Variants in METTL9 observed in about 807,000 individuals in gnomAD.
METTL9 encodes methyltransferase 9, His-X-His N1(pi)-histidine, also known as protein-L-histidine N-pros-methyltransferase.
A neutral mutation model predicts 36.0 loss-of-function variants in METTL9; 10 were observed. The ratio of observed to expected loss-of-function variants is 0.28; its 90% CI spans 0.17 to 0.47. The LOEUF (loss-of-function observed/expected upper bound fraction) is 0.47, where lower values mean the gene tolerates loss of function less well. Ranked by LOEUF, METTL9 falls within the 20% of genes least tolerant of loss-of-function variation. The pLI, the probability that METTL9 is intolerant of heterozygous loss-of-function variation, is 0.99. For synonymous variants in METTL9, 175 were observed against 149.7 expected, an observed-to-expected ratio of 1.17 and a Z score of -1.23; for missense variants, 246 against 383.5, an observed-to-expected ratio of 0.64 and a Z score of 3.00.
At position 21,649,164 on chromosome 16, in the gene METTL9, T is replaced by G. The variant is rs187495680; in HGVS notation, c.752-6063T>G. Among the ~76,000 whole-genome samples, 450 of 152,240 alleles carry G rather than the reference T, an allele frequency of 3.0e-3. 1 individual carries two copies. The highest frequency in any genetic ancestry group is 5.3e-3 in the Non-Finnish European group (359 of 67,994). On this transcript the variant is annotated intron_variant, in intron 4 of 4. Transcript: ENST00000358154. ...TGCAGCACTGTGCCCAGCTAATTTTTGTATTTTTTGTAGAGACAGGGTTTC... is the reference window on the plus strand; with the variant it reads ...TGCAGCACTGTGCCCAGCTAATTTTGGTATTTTTTGTAGAGACAGGGTTTC...
At chr16:21,654,838 GCT>G (rs1362584588) in intron 4 of METTL9, 1 of 181,630 alleles carries the variant, frequency 5.5e-6, no homozygotes, top group Non-Finnish European at 1.2e-5. Flanking sequence ...ATTACATGTT[GCT>G]CTCTGTTTCA....
intron 4 of METTL9, among the ~76,000 whole-genome samples, chr16:21,650,346 A>C (rs1966535848): frequency 6.6e-6 from 1 of 152,024 alleles, no homozygotes; most frequent in Non-Finnish European, 1.5e-5. Flanking sequence ...ATCTTTACTA[A>C]AAATACAAAA....
Position 21,613,308 on chromosome 16 carries a change from C to T in METTL9, c.356+473C>T, listed in dbSNP as rs142882749. On this transcript the variant is annotated intron_variant, in intron 2 of 4. Coordinates refer to ENST00000358154, the MANE Select transcript of METTL9 (RefSeq NM_016025.5). ...AAGTAATTCTCATGCCTCAGCCTCC[C>T]AAGTAGCTGGGATTACAGGTGTGCA... Among the ~76,000 whole-genome samples the T allele has an allele frequency of 5.0e-3, 756 of 151,210 alleles. 12 individuals carry two copies. The highest frequency in any genetic ancestry group is 0.018 in the African/African-American group (730 of 41,078).
In METTL9 at chr16:21,612,623, CTT is replaced by C. The variant is rs576885895; in HGVS notation, c.166-4_166-3del. 0.036 allele frequency: 42,056 copies of C among 1,166,004 alleles called. No individual in the cohort carries two copies. Among genetic ancestry groups the C allele is most frequent in the East Asian group, 0.042 (1,276 of 30,642 alleles). 72.2% of individuals were successfully genotyped at this position (1,166,004 alleles called of 1,614,324 possible). Reference sequence around the variant, plus strand: ...TCGGTTGTGTGTTTTAATTTTTGTTCTTTTTTTTTTTTTTTTTTTAGTGGTAT... The same window carrying C: ...TCGGTTGTGTGTTTTAATTTTTGTTCTTTTTTTTTTTTTTTTTAGTGGTAT... On this transcript the variant is annotated intron_variant, in intron 1 of 4. Coordinates refer to ENST00000358154, the MANE Select transcript of METTL9 (RefSeq NM_016025.5).
intron 2 of METTL9, among the ~76,000 whole-genome samples, chr16:21,614,570 C>G (rs1045676797): frequency 6.6e-6 from 1 of 152,186 alleles, no homozygotes; most frequent in Non-Finnish European, 1.5e-5. Context: ...GTGTCCCATT[C>G]TCAGCTAAAA....
intron 1 of METTL9, among the ~76,000 whole-genome samples, chr16:21,609,936 C>T (rs1462510631): frequency 6.6e-6 from 1 of 152,060 alleles, no homozygotes; most frequent in African/African-American, 2.4e-5. Flanking sequence ...ATCTAACTGC[C>T]ACCTGCATAT....
At chr16:21,603,766 C>T (rs1356588826) in intron 1 of METTL9, among the ~76,000 whole-genome samples, 1 of 152,044 alleles carries the variant, frequency 6.6e-6, no homozygotes, top group Non-Finnish European at 1.5e-5. Context: ...CAAACCACAA[C>T]GATTTCTCCG....
At chr16:21,605,736 A>G (rs899004136) in intron 1 of METTL9, among the ~76,000 whole-genome samples, 4 of 152,076 alleles carry the variant, frequency 2.6e-5, no homozygotes, top group Non-Finnish European at 5.9e-5. Context: ...CTTAAAGTTG[A>G]AAAAAGATTC....
intron 3 of METTL9, among the ~76,000 whole-genome samples, chr16:21,620,971 T>TTA (rs979659626): frequency 7.9e-5 from 12 of 151,898 alleles, no homozygotes; most frequent in East Asian, 5.8e-4. Context: ...TTTTATTAAT[T>TTA]TATATATATA....
intron 1 of METTL9, among the ~76,000 whole-genome samples, chr16:21,606,777 C>T (rs1237401711): frequency 1.3e-5 from 2 of 152,138 alleles, no homozygotes; most frequent in African/African-American, 4.8e-5. Context: ...GGACAAAGAT[C>T]AAATATGTAT....
At chr16:21,644,214 G>T in intron 4 of METTL9, 1 of 1,074,882 alleles carries the variant, frequency 9.3e-7, no homozygotes, top group Non-Finnish European at 1.4e-6. Context: ...CATAACTTGT[G>T]GAGAGATAGA....
At chr16:21,599,554 C>T, upstream of METTL9, 1 of 1,282,984 alleles carries the variant, frequency 7.8e-7, no homozygotes, top group African/African-American at 1.6e-5. This position sits in a 1 kb window ranked among gnomAD's most constrained non-coding sequence, Gnocchi z 4.4. Context: ...GGGGGAGGTG[C>T]CGAGGCTGCG....
intron 2 of METTL9, among the ~76,000 whole-genome samples, chr16:21,615,614 C>CA (rs1965536597): frequency 6.6e-6 from 1 of 152,134 alleles, no homozygotes. Flanking sequence ...TTATAATTAT[C>CA]ATGTCAAGAT....
intron 4 of METTL9, among the ~76,000 whole-genome samples, chr16:21,632,792 C>G (rs575233063): frequency 1.3e-5 from 2 of 152,248 alleles, no homozygotes; most frequent in South Asian, 2.1e-4. Flanking sequence ...AACAGGCCAG[C>G]CTTTTGCTAC....
rs986486526 is a variant in METTL9 at position 21,656,358 on chromosome 16, C to A, written c.*926C>A. The A allele has an allele frequency of 3.3e-5, 5 of 152,122 alleles. No individual in the cohort carries two copies. The highest frequency in any genetic ancestry group is 1.2e-4 in the African/African-American group (5 of 41,428). The allele number at this position is 152,122 out of a possible 1,614,324, so 9.4% of individuals were successfully genotyped here. A position where few individuals can be genotyped will look rare whatever the true frequency, so the allele number is the denominator to read the frequency against. Reference sequence around the variant, plus strand: ...TGCAACTAAAAATGTTTTAATTCAACTTCTTACTCTACACTTATATACCTC... The same window carrying A: ...TGCAACTAAAAATGTTTTAATTCAAATTCTTACTCTACACTTATATACCTC... On this transcript the variant is annotated 3_prime_UTR_variant, in exon 5 of 5. Coordinates refer to ENST00000358154, the MANE Select transcript of METTL9 (RefSeq NM_016025.5).
chr16:21,618,458 TCAC>T (rs937533153), intron 3 of METTL9, among the ~76,000 whole-genome samples: 2 of 152,204 alleles, frequency 1.3e-5, no homozygotes, highest in African/African-American at 4.8e-5. Context: ...TGCATAATCA[TCAC>T]CACTATTCAT....
At chr16:21,634,493 G>C (rs1008644568) in intron 4 of METTL9, among the ~76,000 whole-genome samples, 1 of 152,168 alleles carries the variant, frequency 6.6e-6, no homozygotes, top group African/African-American at 2.4e-5. Context: ...GCCCTACCGG[G>C]TGATTGACCT....
intron 4 of METTL9, chr16:21,643,554 T>A (rs527765746): frequency 6.2e-7 from 1 of 1,602,174 alleles, no homozygotes; most frequent in East Asian, 2.2e-5. Flanking sequence ...GTACCTTTTG[T>A]GAGTCTTCTT....
intron 4 of METTL9, among the ~76,000 whole-genome samples, chr16:21,629,585 C>G (rs1362540871): frequency 6.6e-6 from 1 of 152,148 alleles, no homozygotes; most frequent in Non-Finnish European, 1.5e-5. Context: ...CTGGTGGGTT[C>G]CTGGTCTTGC....
Sources: allele counts gnomAD v4.1 joint callset (sites outside exome capture counted in the v4.1 genomes callset), GRCh38; gene constraint gnomAD v4.1.1; non-coding constraint Gnocchi (gnomAD v3.1); transcripts MANE v1.5; gene names NCBI Gene and HGNC (gene_info 2026-07-23, HGNC 2026-07-21).